Variants in SEC11A observed in about 807,000 individuals in gnomAD.
The protein encoded by SEC11A is signal peptidase complex catalytic subunit SEC11A.
A neutral mutation model predicts 25.6 loss-of-function variants in SEC11A; 14 were observed. The ratio of observed to expected loss-of-function variants is 0.55; its 90% confidence interval spans 0.36 to 0.85. The LOEUF (loss-of-function observed/expected upper bound fraction) is 0.85, where lower values mean the gene tolerates loss of function less well. SEC11A is among the 40% of genes least tolerant of loss of function. SEC11A has a pLI of 0.01. For synonymous variants in SEC11A, 83 were observed against 76.4 expected (o/e 1.09, Z -0.45); for missense variants, 153 against 222.9 (o/e 0.69, Z 2.00).
Position 84,695,088 on chromosome 15 carries a change from TAAAAAAAAAAAAAA to T in SEC11A, c.52-3458_52-3445del, listed in dbSNP as rs55789527. ...CTGGGCGACACAGCAAGACTCCATC[TAAAAAAAAAAAAAA>T]AAAAAAAAAAAAAAAGAAGGTAGAG... is the stretch of plus-strand genomic sequence containing the variant. On this transcript the variant is annotated intron_variant, in intron 1 of 5. Coordinates refer to ENST00000268220, the MANE Select transcript of SEC11A (RefSeq NM_014300.4). 2.4e-3 allele frequency among the ~76,000 whole-genome samples: 66 copies of T among 26,946 alleles called. 1 individual carries two copies. In the South Asian group the frequency reaches 0.065, roughly 27 times the overall value. The allele number at this position is 26,946 out of a possible 152,430, so 17.7% of individuals were successfully genotyped here.
intron 1 of SEC11A, among the ~76,000 whole-genome samples, chr15:84,702,709 A>T (rs1476653503): frequency 3.3e-5 from 5 of 152,182 alleles, no homozygotes; most frequent in Non-Finnish European, 1.5e-5. Flanking sequence ...CTCAAGAAGA[A>T]ATAGACAACC....
intron 1 of SEC11A, among the ~76,000 whole-genome samples, chr15:84,694,286 C>T (rs1312411027): frequency 2.6e-5 from 4 of 151,626 alleles, no homozygotes; most frequent in African/African-American, 7.3e-5. Flanking sequence ...ACCCAGGAGG[C>T]GGGGGTTGCA....
chr15:84,709,340 T>C (rs941682999), intron 1 of SEC11A, among the ~76,000 whole-genome samples: 12 of 151,976 alleles, frequency 7.9e-5, no homozygotes, highest in African/African-American at 2.9e-4. Context: ...ATCATTTTTA[T>C]CCCCAGAATG....
At chr15:84,691,390 C>A (rs1228351777) in intron 2 of SEC11A, 145 bp downstream of exon 2, 5 of 556,408 alleles carry the variant, frequency 9.0e-6, no homozygotes, top group Non-Finnish European at 1.3e-5. Context: ...TTTCTTACAA[C>A]TGATAAGTAG....
At chr15:84,671,442 T>C (rs1896979825) in intron 4 of SEC11A, 1 of 152,216 alleles carries the variant, frequency 6.6e-6, no homozygotes, top group African/African-American at 2.4e-5. Context: ...TACCACAGAT[T>C]TGTTTCTTCA....
chr15:84,688,986 C>A (rs1343932349), intron 2 of SEC11A, among the ~76,000 whole-genome samples: 4 of 148,096 alleles, frequency 2.7e-5, no homozygotes, highest in African/African-American at 1.0e-4. Flanking sequence ...GCTGAGATTG[C>A]GCCATTGCAC....
chr15:84,712,428 A>G (rs540818597), intron 1 of SEC11A, among the ~76,000 whole-genome samples: 1 of 150,100 alleles, frequency 6.7e-6, no homozygotes, highest in African/African-American at 2.5e-5. Context: ...CAAAACTGAA[A>G]CATACTCTTT....
chr15:84,669,832 C>T lies in SEC11A; in HGVS notation c.*187G>A. ...CTGTGACTGAAAGTCCCCTCGAGTG[C>T]ACTCTGTGGTGCACATGCGCCCGCC... On this transcript the variant is annotated 3_prime_UTR_variant, in exon 6 of 6. Coordinates refer to ENST00000268220, the MANE Select transcript of SEC11A (RefSeq NM_014300.4). 1.1e-6 allele frequency: 1 copy of T among 875,588 alleles called. No homozygotes were observed. Among genetic ancestry groups the T allele is most frequent in the Non-Finnish European group, 1.7e-6 (1 of 602,308 alleles). The allele number at this position is 875,588 out of a possible 1,614,324, so 54.2% of individuals were successfully genotyped here.
intron 2 of SEC11A, 45 bp downstream of exon 2, chr15:84,691,490 A>G (rs1477084173): frequency 1.9e-6 from 2 of 1,063,600 alleles, no homozygotes; most frequent in Admixed American, 3.8e-5. Flanking sequence ...TTTTTCTCCC[A>G]AGTAATGCCA....
intron 4 of SEC11A, among the ~76,000 whole-genome samples, chr15:84,675,574 T>C (rs1416198592): frequency 1.3e-5 from 2 of 152,190 alleles, no homozygotes; most frequent in African/African-American, 4.8e-5. Context: ...ATTCAAAAAG[T>C]CTTATCCATA....
At chr15:84,679,531 G>A (rs1014780754) in intron 4 of SEC11A, among the ~76,000 whole-genome samples, 8 of 152,184 alleles carry the variant, frequency 5.3e-5, no homozygotes, top group African/African-American at 1.7e-4. Context: ...GCTTACTGGT[G>A]TAATAACTCT....
At chr15:84,697,314 G>A (rs772818731) in intron 1 of SEC11A, among the ~76,000 whole-genome samples, 1 of 152,012 alleles carries the variant, frequency 6.6e-6, no homozygotes, top group Non-Finnish European at 1.5e-5. Flanking sequence ...AATTTCCTAT[G>A]TTCTTGCAAG....
At chr15:84,679,007 G>T (rs902185360) in intron 4 of SEC11A, among the ~76,000 whole-genome samples, 1 of 148,882 alleles carries the variant, frequency 6.7e-6, no homozygotes, top group Non-Finnish European at 1.5e-5. Context: ...AAAAAAAAAG[G>T]CAAAAAAAAG....
intron 3 of SEC11A, among the ~76,000 whole-genome samples, chr15:84,682,580 C>CT (rs1446395099): frequency 6.6e-6 from 1 of 152,060 alleles, no homozygotes; most frequent in Non-Finnish European, 1.5e-5. Flanking sequence ...TCCCAAGTAG[C>CT]TAGGATTACA....
At chr15:84,683,199 G>C (rs1897323315) in intron 3 of SEC11A, among the ~76,000 whole-genome samples, 1 of 152,188 alleles carries the variant, frequency 6.6e-6, no homozygotes, top group Non-Finnish European at 1.5e-5. Context: ...CTCACTGCAA[G>C]AGTGAAAGTC....
intron 4 of SEC11A, among the ~76,000 whole-genome samples, chr15:84,674,221 A>T (rs1036103766): frequency 1.3e-5 from 2 of 150,144 alleles, no homozygotes; most frequent in Non-Finnish European, 3.0e-5. Context: ...ATATATATTT[A>T]TATATATATA....
At chr15:84,688,651 T>C (rs986017344) in intron 2 of SEC11A, among the ~76,000 whole-genome samples, 1 of 152,220 alleles carries the variant, frequency 6.6e-6, no homozygotes, top group Non-Finnish European at 1.5e-5. Context: ...CAAACACTTT[T>C]GTTTAAAGAC....
chr15:84,693,167 A>C (rs1897658864), intron 1 of SEC11A, among the ~76,000 whole-genome samples: 1 of 152,134 alleles, frequency 6.6e-6, no homozygotes, highest in Non-Finnish European at 1.5e-5. Flanking sequence ...CAACTGTCCT[A>C]GTCTCTTCAA....
At chr15:84,684,632 T>C (rs1322794497) in intron 3 of SEC11A, among the ~76,000 whole-genome samples, 3 of 152,100 alleles carry the variant, frequency 2.0e-5, no homozygotes, top group Non-Finnish European at 4.4e-5. Flanking sequence ...ACAATGTTAA[T>C]ACTATTAAAC....
Sources: allele counts gnomAD v4.1 joint callset (sites outside exome capture counted in the v4.1 genomes callset), GRCh38; gene constraint gnomAD v4.1.1; transcripts MANE v1.5; gene names NCBI Gene and HGNC (gene_info 2026-07-23, HGNC 2026-07-21).